The following WEE1 variants were observed in gnomAD, a reference collection of about 807,000 sequenced individuals.
The protein encoded by WEE1 is WEE1 G2 checkpoint kinase.
In WEE1, 16 loss-of-function variants were observed where a neutral mutation model predicts 68.8. That is an observed-to-expected ratio of 0.23 (90% CI 0.16 to 0.35). The LOEUF is 0.35. WEE1 is among the 10% of genes least tolerant of loss of function. WEE1 has a pLI of 1.00. For synonymous variants in WEE1, 349 were observed against 318.7 expected, an observed-to-expected ratio of 1.09 and a Z score of -1.01; for missense variants, 651 against 824.1, an observed-to-expected ratio of 0.79 and a Z score of 2.57.
At position 9,574,006 on chromosome 11, in the gene WEE1, C is replaced by G; in HGVS notation, c.73C>G (p.Leu25Val). The change falls in exon 1 of 11, where the codon CTG (leucine) becomes GTG (valine). Residue 25 changes from leucine to valine, a missense_variant. Around this residue, in one of 5 missense-constraint regions of WEE1, gnomAD observed 395 missense variants for 378.4 expected, o/e 1.04. Transcript: ENST00000450114. This position sits in a 1 kb window ranked among gnomAD's most constrained non-coding sequence, Gnocchi z 4.9. ...GGCGGCCTGCACCTTGCGGCAGAAG[C>G]TGATCTTCTCGCCCTGCAGCGACTG... Reference protein sequence around the residue: ...AGAACTLRQKLIFSPCSDCEE... With the variant: ...AGAACTLRQKVIFSPCSDCEE... 7.8e-7 allele frequency: 1 copy of G among 1,287,670 alleles called. No individual in the cohort carries two copies. The highest frequency in any genetic ancestry group is 9.8e-7 in the Non-Finnish European group (1 of 1,016,914). 79.8% of individuals were successfully genotyped at this position (1,287,670 alleles called of 1,614,324 possible).
rs1338665259 is a variant in WEE1, at chr11:9,576,231, T to A, written c.784T>A (p.Ser262Thr). ...RRRKRTYWND[S>T]CGEDMEASDY... ...ATAGAAAAATAACATTTTTTTTAGT[T>A]CCTGTGGTGAAGACATGGAAGCCAG... Residue 262 changes from serine to threonine, a missense_variant and splice_region_variant, in exon 3 of 11, where the codon TCC becomes ACC. Physicochemically the swap from Ser to Thr is moderately conservative, Grantham distance 58. Coordinates refer to ENST00000450114, the MANE Select transcript of WEE1 (RefSeq NM_003390.4). This position sits in a 1 kb window ranked among gnomAD's most constrained non-coding sequence, Gnocchi z 4.3. 2 of 1,532,200 alleles carry A rather than the reference T, an allele frequency of 1.3e-6. No individual in the cohort carries two copies. Among genetic ancestry groups the A allele is most frequent in the South Asian group, 2.4e-5 (2 of 84,250 alleles). The allele number at this position is 1,532,200 out of a possible 1,614,324, so 94.9% of individuals were successfully genotyped here. A position where few individuals can be genotyped will look rare whatever the true frequency, so the allele number is the denominator to read the frequency against.
rs1289541439 is a variant in WEE1 at position 9,576,939 on chromosome 11, TTTC to T, written c.1020-197_1020-195del. Among the ~76,000 whole-genome samples, 1 of 152,216 alleles carries T rather than the reference TTTC, an allele frequency of 6.6e-6. No homozygotes were observed. The highest frequency in any genetic ancestry group is 1.5e-5 in the Non-Finnish European group (1 of 68,022). On this transcript the variant is annotated intron_variant, in intron 4 of 10. Coordinates refer to ENST00000450114, the MANE Select transcript of WEE1 (RefSeq NM_003390.4). This position sits in a 1 kb window ranked among gnomAD's most constrained non-coding sequence, Gnocchi z 4.3. The stretch of plus-strand genomic sequence containing the variant: ...TACCTGAGTCCTAGGGCAAGCAACA[TTTC>T]TTCTTTCTGATAAATCTTTAATGGA...
Position 9,581,611 on chromosome 11 carries a change from T to G in WEE1, c.1221T>G (p.Leu407=). 1 of 1,613,472 alleles carries G rather than the reference T, an allele frequency of 6.2e-7. No individual in the cohort carries two copies. Among genetic ancestry groups the G allele is most frequent in the Non-Finnish European group, 8.5e-7 (1 of 1,179,928 alleles). The change falls in exon 6 of 11, where the codon CTT becomes CTG. Residue 407 remains leucine (L), a synonymous_variant. Transcript: ENST00000450114. ...AAGAAGCAGAGTTGAAGGATCTCCT[T>G]TTGCAAGTTGGCCGAGGCTTGAGGT... ...YFKEAELKDL[L]LQVGRGLRYI...
At chr11:9,577,986 C>G (rs1176251745) in intron 5 of WEE1, 3 of 442,842 alleles carry the variant, frequency 6.8e-6, no homozygotes, top group African/African-American at 2.0e-5. Flanking sequence ...TTATGGACGT[C>G]TGTCATTATT....
intron 5 of WEE1, chr11:9,578,484 A>T (rs1015560580): frequency 2.3e-4 from 35 of 152,292 alleles, no homozygotes; most frequent in African/African-American, 8.2e-4. Flanking sequence ...GTTTCTATTC[A>T]TACCATCAAA....
intron 8 of WEE1, 125 bp downstream of exon 8, chr11:9,585,652 C>A: frequency 1.3e-6 from 1 of 776,168 alleles, no homozygotes. Context: ...TCTAAACCGT[C>A]ATCTGAGGGC....
chr11:9,576,666 A>G lies in WEE1; in HGVS notation c.1019+7A>G. On this transcript the variant is annotated splice_region_variant and intron_variant, in intron 4 of 10. Coordinates refer to ENST00000450114, the MANE Select transcript of WEE1 (RefSeq NM_003390.4). This position sits in a 1 kb window ranked among gnomAD's most constrained non-coding sequence, Gnocchi z 4.3. ...TGGCGGGCTCTGTTGATGAGTATGT[A>G]TTAAACATTTTGTCTTTTGCTCTTT... The G allele has an allele frequency of 6.2e-7, 1 of 1,604,788 alleles. No homozygotes were observed. Among genetic ancestry groups the G allele is most frequent in the Non-Finnish European group, 8.5e-7 (1 of 1,177,430 alleles).
chr11:9,585,196 C>A lies in WEE1; in HGVS notation c.1289-62C>A, dbSNP rs1849686537. 3.3e-5 allele frequency: 42 copies of A among 1,285,798 alleles called. No homozygotes were observed. The South Asian group carries it at 4.3e-4, about 13-fold the overall frequency. 79.6% of individuals were successfully genotyped at this position (1,285,798 alleles called of 1,614,324 possible). ...ATTATGGATGATTCTGGTATATGAT[C>A]TTGTTTATGAACTCTGGTTTTATTA... is the stretch of plus-strand genomic sequence containing the variant. On this transcript the variant is annotated intron_variant, in intron 6 of 10. Coordinates refer to ENST00000450114, the MANE Select transcript of WEE1 (RefSeq NM_003390.4).
chr11:9,581,528 T>C lies in WEE1; in HGVS notation c.1142-4T>C, dbSNP rs769059122. On this transcript the variant is annotated splice_polypyrimidine_tract_variant and splice_region_variant and intron_variant, in intron 5 of 10. Coordinates refer to ENST00000450114, the MANE Select transcript of WEE1 (RefSeq NM_003390.4). ...AAAATGCTAATATTTTCTATCTTTG[T>C]TAGGTGGAAGTTTAGCTGATGCTAT... is the stretch of plus-strand genomic sequence containing the variant. The C allele has an allele frequency of 5.1e-5, 81 of 1,585,990 alleles. No homozygotes were observed. The East Asian group carries it at 1.8e-3, about 35-fold the overall frequency.
In WEE1 at chr11:9,588,855, A is replaced by G; in HGVS notation, c.*253A>G. 1 of 1,079,214 alleles carries G rather than the reference A, an allele frequency of 9.3e-7. No homozygotes were observed. The highest frequency in any genetic ancestry group is 1.1e-6 in the Non-Finnish European group (1 of 888,684). The allele number at this position is 1,079,214 out of a possible 1,614,324, so 66.9% of individuals were successfully genotyped here. On this transcript the variant is annotated 3_prime_UTR_variant, in exon 11 of 11. Coordinates refer to ENST00000450114, the MANE Select transcript of WEE1 (RefSeq NM_003390.4). ...TACACCAGCCTTTCCAGGGTTAACC[A>G]CTGTGGTGGTGTGCTGCTTATAGTT...
intron 5 of WEE1, chr11:9,579,628 G>A (rs1303638107): frequency 6.6e-6 from 1 of 152,164 alleles, no homozygotes; most frequent in Non-Finnish European, 1.5e-5. Flanking sequence ...AATGGGCACA[G>A]CTATGGTTGC....
chr11:9,584,202 T>C (rs1353612896), intron 6 of WEE1, among the ~76,000 whole-genome samples: 1 of 151,976 alleles, frequency 6.6e-6, no homozygotes, highest in Non-Finnish European at 1.5e-5. Flanking sequence ...GTGGTGCAAT[T>C]ATAGCTCACT....
Position 9,589,828 on chromosome 11 carries a change from AGTGT to A in WEE1, c.*1229_*1232del. Reference sequence around the variant, plus strand: ...ATTATTGCTATACTATAAAATGTATAGTGTGTATAATGTACTATTATAAAAGCAG... The same window carrying A: ...ATTATTGCTATACTATAAAATGTATAGTATAATGTACTATTATAAAAGCAG... On this transcript the variant is annotated 3_prime_UTR_variant, in exon 11 of 11. Coordinates refer to ENST00000450114, the MANE Select transcript of WEE1 (RefSeq NM_003390.4). 5 of 601,692 alleles carry A rather than the reference AGTGT, an allele frequency of 8.3e-6. No individual in the cohort carries two copies. Among genetic ancestry groups the A allele is most frequent in the Non-Finnish European group, 1.0e-5 (5 of 479,198 alleles). The allele number at this position is 601,692 out of a possible 1,614,324, so 37.3% of individuals were successfully genotyped here.
intron 1 of WEE1, chr11:9,575,310 G>C (rs895870795): frequency 2.0e-6 from 2 of 987,370 alleles, no homozygotes; most frequent in Non-Finnish European, 2.4e-6. Context: ...TTTTAAAGCT[G>C]ATACTTCCAG....
At chr11:9,575,266 G>A (rs1849552695) in intron 1 of WEE1, 1 of 986,156 alleles carries the variant, frequency 1.0e-6, no homozygotes, top group South Asian at 4.7e-5. Flanking sequence ...AGGCCTTCGA[G>A]TACTGCGCAG....
Position 9,573,737 on chromosome 11 carries a change from C to T in WEE1, c.-197C>T, listed in dbSNP as rs1849530036. ...GGTGCTCGGGCCGCCCCGCCTCTGCCGGAAAGTCCGCGCCGCCGCTGCCGC... is the reference window on the plus strand; with the variant it reads ...GGTGCTCGGGCCGCCCCGCCTCTGCTGGAAAGTCCGCGCCGCCGCTGCCGC... On this transcript the variant is annotated 5_prime_UTR_variant, in exon 1 of 11. Transcript: ENST00000450114. The T allele has an allele frequency of 1.3e-5, 3 of 239,078 alleles. No individual in the cohort carries two copies. Among genetic ancestry groups the T allele is most frequent in the South Asian group, 1.5e-4 (1 of 6,862 alleles). 14.8% of individuals were successfully genotyped at this position (239,078 alleles called of 1,614,324 possible). A position where few individuals can be genotyped will look rare whatever the true frequency, so the allele number is the denominator to read the frequency against.
Position 9,576,681 on chromosome 11 carries a change from T to G in WEE1, c.1019+22T>G, listed in dbSNP as rs372919050. ...ATGAGTATGTATTAAACATTTTGTC[T>G]TTTGCTCTTTTGTCCCCTATGGTGT... On this transcript the variant is annotated intron_variant, in intron 4 of 10. Transcript: ENST00000450114. The surrounding 1 kb of genome is among the most constrained non-coding windows in gnomAD (Gnocchi z 4.3). 1.8e-5 allele frequency: 28 copies of G among 1,598,864 alleles called. 1 individual carries two copies. The highest frequency in any genetic ancestry group is 2.1e-5 in the Non-Finnish European group (25 of 1,174,680).
intron 5 of WEE1, 45 bp from the exon 6 acceptor site, chr11:9,581,487 A>G: frequency 6.5e-7 from 1 of 1,548,508 alleles, no homozygotes; most frequent in Non-Finnish European, 8.7e-7. Context: ...AAGAAAGAAA[A>G]TATTTCAGAA....
chr11:9,577,006 T>C (rs1849571049), intron 4 of WEE1, 136 bp from the exon 5 acceptor site: 3 of 926,946 alleles, frequency 3.2e-6, no homozygotes, highest in Non-Finnish European at 4.7e-6. Flanking sequence ...TCTAAACCCC[T>C]TCTCTCTTAA....
Sources: gnomAD v4.1 joint callset for allele counts (sites outside exome capture counted in the v4.1 genomes callset) on GRCh38, gnomAD v4.1.1 for gene constraint, gnomAD v4.1.1 regional missense constraint, Gnocchi (gnomAD v3.1) non-coding constraint, MANE v1.5 for transcripts, NCBI Gene and HGNC (gene_info 2026-07-23, HGNC 2026-07-21) for gene names.